Variants in XNDC1N observed in about 807,000 individuals in gnomAD.
The protein encoded by XNDC1N is protein XNDC1N.
At chr11:71,876,024 C>CAAAT in the XNDC1N span, among the ~76,000 whole-genome samples, 588 of 150,890 alleles carry the variant, frequency 3.9e-3, 1 homozygote, top group Non-Finnish European at 6.5e-3. Context: ...GACTCTGTCT[C>CAAAT]AAATAAATAA....
chr11:71,918,949 CTT>C, the XNDC1N span: 54 of 702,884 alleles, frequency 7.7e-5, no homozygotes, highest in Non-Finnish European at 1.2e-4. Flanking sequence ...ATTGCCCACT[CTT>C]GTCCTGAGGG....
At chr11:71,927,152 G>A in the XNDC1N span, among the ~76,000 whole-genome samples, 1 of 151,996 alleles carries the variant, frequency 6.6e-6, no homozygotes, top group African/African-American at 2.4e-5. Flanking sequence ...CAAGGTTGAG[G>A]TGGGAGAATT....
the XNDC1N span, among the ~76,000 whole-genome samples, chr11:71,883,066 T>C: frequency 6.6e-6 from 1 of 152,132 alleles, no homozygotes; most frequent in Non-Finnish European, 1.5e-5. Context: ...CATTAAAAAT[T>C]GCAGACATTC....
the XNDC1N span, among the ~76,000 whole-genome samples, chr11:71,919,965 T>G: frequency 9.0e-6 from 1 of 111,710 alleles, no homozygotes; most frequent in Non-Finnish European, 1.7e-5. Flanking sequence ...TTTTTTTTTT[T>G]TTTTGAGACA....
the XNDC1N span, among the ~76,000 whole-genome samples, chr11:71,911,668 G>A: frequency 6.6e-6 from 1 of 152,310 alleles, no homozygotes; most frequent in East Asian, 1.9e-4. Flanking sequence ...AGTGCATGGA[G>A]CGTGATAGAA....
the XNDC1N span, among the ~76,000 whole-genome samples, chr11:71,907,974 A>T: frequency 6.6e-6 from 1 of 152,140 alleles, no homozygotes; most frequent in Non-Finnish European, 1.5e-5. Flanking sequence ...CTATATTGTG[A>T]GTAACGTCAT....
chr11:71,910,879 CT>C, the XNDC1N span, among the ~76,000 whole-genome samples: 1 of 152,218 alleles, frequency 6.6e-6, no homozygotes, highest in Non-Finnish European at 1.5e-5. Flanking sequence ...GACCGGGAAC[CT>C]TTGGAATGCG....
chr11:71,896,955 G>A, the XNDC1N span, among the ~76,000 whole-genome samples: 8 of 152,034 alleles, frequency 5.3e-5, no homozygotes, highest in Non-Finnish European at 7.4e-5. Flanking sequence ...GATTTTTCAC[G>A]AGTGCTAAGA....
At chr11:71,888,320 G>A in the XNDC1N span, among the ~76,000 whole-genome samples, 21 of 152,304 alleles carry the variant, frequency 1.4e-4, 1 homozygote, top group African/African-American at 5.1e-4. Context: ...AGGCAGGTGA[G>A]AGAATTCTTA....
the XNDC1N span, among the ~76,000 whole-genome samples, chr11:71,910,110 C>T: frequency 3.3e-5 from 5 of 152,232 alleles, no homozygotes; most frequent in East Asian, 3.9e-4. Context: ...CCGTCTCAAG[C>T]ACCTAAGAAC....
At chr11:71,872,349 C>A in the XNDC1N span, among the ~76,000 whole-genome samples, 1 of 152,204 alleles carries the variant, frequency 6.6e-6, no homozygotes, top group Non-Finnish European at 1.5e-5. Context: ...CCTTGTTATG[C>A]AACAATAACT....
At chr11:71,895,500 T>G in the XNDC1N span, among the ~76,000 whole-genome samples, 1,051 of 93,798 alleles carry the variant, frequency 0.011, 23 homozygotes, top group African/African-American at 0.044. Context: ...TTTTTTTTTG[T>G]ATTGTTAATA....
At chr11:71,866,022 T>C in the XNDC1N span, among the ~76,000 whole-genome samples, 2 of 152,230 alleles carry the variant, frequency 1.3e-5, no homozygotes. Flanking sequence ...GTAGAGACTT[T>C]GCCTGTAAAC....
the XNDC1N span, among the ~76,000 whole-genome samples, chr11:71,868,914 A>T: frequency 0.19 from 28,599 of 152,052 alleles, 4,919 homozygotes; most frequent in African/African-American, 0.45. Flanking sequence ...CAGGGATGCC[A>T]GTGAGTCATA....
chr11:71,905,884 GATC>G, the XNDC1N span, among the ~76,000 whole-genome samples: 1 of 152,006 alleles, frequency 6.6e-6, no homozygotes, highest in African/African-American at 2.4e-5. Flanking sequence ...CACCCACTGT[GATC>G]ATTAAAGTAA....
chr11:71,920,300 A>T, the XNDC1N span, among the ~76,000 whole-genome samples: 1 of 146,526 alleles, frequency 6.8e-6, no homozygotes, highest in East Asian at 2.1e-4. Flanking sequence ...TATTTCATTT[A>T]TAAGATTTTT....
the XNDC1N span, among the ~76,000 whole-genome samples, chr11:71,892,441 G>A: frequency 6.6e-6 from 1 of 152,042 alleles, no homozygotes; most frequent in East Asian, 1.9e-4. Flanking sequence ...TAATATCTCT[G>A]TAGGATATTA....
the XNDC1N span, among the ~76,000 whole-genome samples, chr11:71,886,821 G>C: frequency 2.0e-5 from 3 of 152,182 alleles, no homozygotes; most frequent in Admixed American, 2.0e-4. Flanking sequence ...TGGAGGTCAG[G>C]CCCGGCGATA....
the XNDC1N span, among the ~76,000 whole-genome samples, chr11:71,899,449 C>T: frequency 6.6e-5 from 10 of 152,174 alleles, no homozygotes; most frequent in Non-Finnish European, 1.5e-4. Context: ...TGGAGAAAGA[C>T]CTGAACTTTC....
Sources: allele counts gnomAD v4.1 joint callset (sites outside exome capture counted in the v4.1 genomes callset), GRCh38; gene constraint gnomAD v4.1.1; transcripts MANE v1.5; gene names NCBI Gene and HGNC (gene_info 2026-07-23, HGNC 2026-07-21).